ANO4: variants seen among roughly 807,000 people sequenced by gnomAD.
The protein encoded by ANO4 is anoctamin 4.
A neutral mutation model predicts 141.9 loss-of-function variants in ANO4; 69 were observed. That is an observed-to-expected ratio of 0.49 (90% CI 0.40 to 0.59). The LOEUF (loss-of-function observed/expected upper bound fraction) is 0.59, where lower values mean the gene tolerates loss of function less well. Ranked by LOEUF, ANO4 falls within the 20% of genes least tolerant of loss-of-function variation. ANO4 has a pLI of 0.00. For synonymous variants in ANO4, 350 were observed against 394.3 expected (o/e 0.89, Z 1.33); for missense variants, 894 against 1,162.2 (o/e 0.77, Z 3.36).
At chr12:100,926,333 C>T (rs2136119868) in intron 3 of ANO4, among the ~76,000 whole-genome samples, 1 of 152,142 alleles carries the variant, frequency 6.6e-6, no homozygotes, top group Middle Eastern at 3.4e-3. Context: ...TGGCCATACT[C>T]AAGTGCTTTT....
chr12:100,728,127 A>G (rs894010930), intron 1 of ANO4, among the ~76,000 whole-genome samples: 3 of 152,202 alleles, frequency 2.0e-5, no homozygotes, highest in Admixed American at 1.3e-4. Flanking sequence ...CCACATATTT[A>G]CAAGAATTCC....
At chr12:100,795,635 T>G (rs2034260624) in intron 1 of ANO4, among the ~76,000 whole-genome samples, 1 of 152,198 alleles carries the variant, frequency 6.6e-6, no homozygotes, top group African/African-American at 2.4e-5. Context: ...ACCTCATTGC[T>G]TCTTTCCCTT....
intron 2 of ANO4, among the ~76,000 whole-genome samples, chr12:100,917,809 T>G (rs1593753301): frequency 6.6e-6 from 1 of 152,314 alleles, no homozygotes; most frequent in East Asian, 1.9e-4. Context: ...TGTGTGATCA[T>G]AATGTTTAGC....
intron 17 of ANO4, among the ~76,000 whole-genome samples, chr12:101,090,895 A>G (rs2049742889): frequency 6.6e-6 from 1 of 152,146 alleles, no homozygotes; most frequent in Non-Finnish European, 1.5e-5. Context: ...TTCAAGACAC[A>G]GCCTAGATAA....
At chr12:101,080,994 A>G (rs1393645072) in intron 15 of ANO4, among the ~76,000 whole-genome samples, 1 of 140,454 alleles carries the variant, frequency 7.1e-6, no homozygotes, top group Admixed American at 7.7e-5. Context: ...GAACCTAGAA[A>G]AAAAATATAC....
chr12:100,848,552 A>G (rs1417347675), intron 1 of ANO4, among the ~76,000 whole-genome samples: 4 of 152,192 alleles, frequency 2.6e-5, no homozygotes, highest in African/African-American at 9.7e-5. Context: ...CTGTTTGGGA[A>G]TCCCAAATGC....
intron 8 of ANO4, among the ~76,000 whole-genome samples, chr12:101,002,587 C>G (rs953754091): frequency 6.6e-6 from 1 of 152,180 alleles, no homozygotes; most frequent in Non-Finnish European, 1.5e-5. Context: ...AAGGTGTGCT[C>G]TCTTTCCTCT....
At chr12:101,123,743 A>G (rs1325205869) in intron 26 of ANO4, among the ~76,000 whole-genome samples, 1 of 152,146 alleles carries the variant, frequency 6.6e-6, no homozygotes, top group Non-Finnish European at 1.5e-5. Context: ...GGTTGATTCT[A>G]TGCCTTTGCT....
At chr12:100,940,761 C>T (rs2042477529) in intron 4 of ANO4, among the ~76,000 whole-genome samples, 1 of 152,108 alleles carries the variant, frequency 6.6e-6, no homozygotes, top group Non-Finnish European at 1.5e-5. Flanking sequence ...TCCACCCATC[C>T]ACTTGGCTGG....
intron 8 of ANO4, among the ~76,000 whole-genome samples, chr12:101,002,880 T>C (rs1436128873): frequency 6.6e-6 from 1 of 152,144 alleles, no homozygotes; most frequent in Non-Finnish European, 1.5e-5. Flanking sequence ...TCAGCATCCA[T>C]TTATTATCAT....
chr12:100,737,690 G>T (rs922916468), intron 2 of ANO4, among the ~76,000 whole-genome samples: 1 of 152,228 alleles, frequency 6.6e-6, no homozygotes, highest in African/African-American at 2.4e-5. Flanking sequence ...AAGCACTTTT[G>T]CAATATTTAT....
intron 9 of ANO4, among the ~76,000 whole-genome samples, chr12:101,023,533 G>T (rs114896776): frequency 4.1e-4 from 62 of 152,256 alleles, no homozygotes; most frequent in African/African-American, 1.4e-3. Context: ...TTACCCAGGC[G>T]TGGTGGTCAG....
intron 1 of ANO4, among the ~76,000 whole-genome samples, chr12:100,828,640 A>G (rs1406082118): frequency 1.3e-5 from 2 of 152,052 alleles, no homozygotes; most frequent in African/African-American, 4.8e-5. Flanking sequence ...AAAGGCGATG[A>G]GGATACCAGT....
intron 3 of ANO4, among the ~76,000 whole-genome samples, chr12:100,775,057 C>T (rs907622416): frequency 2.0e-5 from 3 of 152,170 alleles, no homozygotes; most frequent in Non-Finnish European, 4.4e-5. Flanking sequence ...GAAAGAGATA[C>T]ACCATTCAAA....
At chr12:101,102,272 A>G (rs764896951) in intron 22 of ANO4, among the ~76,000 whole-genome samples, 18 of 152,144 alleles carry the variant, frequency 1.2e-4, no homozygotes, top group Non-Finnish European at 2.4e-4. Context: ...ATAGATATGC[A>G]TTTGTTTGTC....
At chr12:100,726,138 C>T (rs930228762) in intron 1 of ANO4, among the ~76,000 whole-genome samples, 2 of 152,140 alleles carry the variant, frequency 1.3e-5, no homozygotes, top group Non-Finnish European at 2.9e-5. Context: ...GACTTCTCCT[C>T]ATGGTAGTTA....
At chr12:101,040,111 C>A in intron 11 of ANO4, 35 bp downstream of exon 11, 1 of 1,577,880 alleles carries the variant, frequency 6.3e-7, no homozygotes, top group Non-Finnish European at 8.6e-7. Flanking sequence ...ATAAAGCTTG[C>A]ACAGAATGAT....
intron 1 of ANO4, among the ~76,000 whole-genome samples, chr12:100,848,505 T>C (rs566339183): frequency 3.3e-5 from 5 of 152,326 alleles, no homozygotes; most frequent in African/African-American, 1.2e-4. Flanking sequence ...ATCAAACTCT[T>C]TTGATGATAC....
intron 21 of ANO4, among the ~76,000 whole-genome samples, 196 bp downstream of exon 21, chr12:101,098,141 TTCACATGAACAAAC>T (rs2050057370): frequency 6.6e-6 from 1 of 152,178 alleles, no homozygotes; most frequent in African/African-American, 2.4e-5. Flanking sequence ...TTTAGCACAA[TTCACATGAACAAAC>T]GTGAATATTC....
Sources: allele counts gnomAD v4.1 joint callset (sites outside exome capture counted in the v4.1 genomes callset), GRCh38; gene constraint gnomAD v4.1.1; transcripts MANE v1.5; gene names NCBI Gene and HGNC (gene_info 2026-07-23, HGNC 2026-07-21).